ASRGL1: variants seen among roughly 807,000 people sequenced by gnomAD.
ASRGL1 encodes the protein isoaspartyl peptidase/L-asparaginase.
Under a neutral mutation model 22.4 loss-of-function variants are expected in ASRGL1, and 16 were observed. The ratio of observed to expected loss-of-function variants is 0.71; its 90% CI spans 0.48 to 1.08. The LOEUF is 1.08. Among genes scored for constraint, ASRGL1 ranks in the 50% least tolerant of loss-of-function variants. The pLI is 0.00. For synonymous variants in ASRGL1, 165 were observed against 159.3 expected (o/e 1.04, Z -0.27); for missense variants, 412 against 410.1 (o/e 1.00, Z -0.04).
chr11:62,390,624 A>T (rs1024546985), intron 5 of ASRGL1, among the ~76,000 whole-genome samples: 10 of 152,186 alleles, frequency 6.6e-5, no homozygotes, highest in Admixed American at 6.5e-4. Flanking sequence ...GCAGAAGCTT[A>T]TAAGAAAAAG....
chr11:62,362,588 T>C (rs1325440597), intron 4 of ASRGL1, among the ~76,000 whole-genome samples: 15 of 71,474 alleles, frequency 2.1e-4, no homozygotes, highest in African/African-American at 8.4e-4. Context: ...ATATAAAATA[T>C]ATAATATATA....
At chr11:62,382,500 CTGT>C (rs1462171840) in intron 4 of ASRGL1, 1 of 151,990 alleles carries the variant, frequency 6.6e-6, no homozygotes, top group African/African-American at 2.4e-5. Flanking sequence ...AGCCCTAAGG[CTGT>C]TTTCTCCTAT....
At chr11:62,342,264 C>T (rs1945883545) in intron 2 of ASRGL1, among the ~76,000 whole-genome samples, 2 of 152,210 alleles carry the variant, frequency 1.3e-5, no homozygotes, top group East Asian at 1.9e-4. Flanking sequence ...GGAAGAGGAA[C>T]AGGCTGTGAC....
chr11:62,351,408 G>C (rs1305209242), intron 2 of ASRGL1, among the ~76,000 whole-genome samples: 1 of 152,110 alleles, frequency 6.6e-6, no homozygotes, highest in Non-Finnish European at 1.5e-5. Context: ...CCAGCACTTT[G>C]GGAGGCCGAG....
rs893816389 is a variant in ASRGL1 at position 62,337,712 on chromosome 11, C to G, written c.-89+138C>G. The G allele has an allele frequency of 2.4e-5, 9 of 371,538 alleles. No homozygotes were observed. In the East Asian group the frequency reaches 2.8e-4, roughly 12 times the overall value. 23.0% of individuals were successfully genotyped at this position (371,538 alleles called of 1,614,324 possible). On this transcript the variant is annotated intron_variant, in intron 1 of 6. Coordinates refer to ENST00000415229, the MANE Select transcript of ASRGL1 (RefSeq NM_001083926.2). ...GCTTGGAGGCGGGCGGCGGTGGGCG[C>G]GGGTTAACGTCCCCGGGGAAACTGA...
chr11:62,351,314 T>A (rs145347066), intron 2 of ASRGL1, among the ~76,000 whole-genome samples: 1,700 of 152,264 alleles, frequency 0.011, 14 homozygotes, highest in Non-Finnish European at 0.019. Context: ...ATTTACCAAT[T>A]TTTTCTCCTT....
At chr11:62,361,217 G>T (rs1811243736) in intron 4 of ASRGL1, among the ~76,000 whole-genome samples, 1 of 151,802 alleles carries the variant, frequency 6.6e-6, no homozygotes, top group South Asian at 2.1e-4. Flanking sequence ...TTTGAGACAA[G>T]GTCTTACTTT....
intron 4 of ASRGL1, among the ~76,000 whole-genome samples, chr11:62,362,068 T>G (rs1027834666): frequency 6.6e-6 from 1 of 152,174 alleles, no homozygotes; most frequent in African/African-American, 2.4e-5. Flanking sequence ...GAAGCTTGGC[T>G]AAGAATCCAG....
At chr11:62,370,938 G>A (rs544803595) in intron 4 of ASRGL1, among the ~76,000 whole-genome samples, 16 of 152,216 alleles carry the variant, frequency 1.1e-4, no homozygotes, top group Middle Eastern at 3.4e-3. Flanking sequence ...GTCTACTGGT[G>A]GTACTGACAG....
At chr11:62,389,475 C>A (rs1947291149) in intron 5 of ASRGL1, 5 of 602,578 alleles carry the variant, frequency 8.3e-6, no homozygotes, top group South Asian at 6.6e-5. Context: ...AGATTGCATG[C>A]CTTTTTGGAA....
intron 4 of ASRGL1, chr11:62,372,449 G>C: frequency 6.5e-7 from 1 of 1,539,784 alleles, no homozygotes; most frequent in South Asian, 1.1e-5. Flanking sequence ...TCCTTTGGGT[G>C]CCCTGAATAT....
At chr11:62,378,642 G>A (rs961847818) in intron 4 of ASRGL1, among the ~76,000 whole-genome samples, 1 of 152,158 alleles carries the variant, frequency 6.6e-6, no homozygotes, top group Admixed American at 6.5e-5. Flanking sequence ...GTTGAATTAC[G>A]GCATTTACGG....
chr11:62,338,951 T>C (rs1324290026), intron 2 of ASRGL1, among the ~76,000 whole-genome samples: 12 of 39,354 alleles, frequency 3.0e-4, no homozygotes, highest in South Asian at 1.9e-3. Flanking sequence ...AAAAAAAAAC[T>C]GAAAAAAGAA....
At chr11:62,357,521 C>T (rs1028109616) in intron 4 of ASRGL1, among the ~76,000 whole-genome samples, 1 of 150,762 alleles carries the variant, frequency 6.6e-6, no homozygotes, top group Non-Finnish European at 1.5e-5. Context: ...CTCGGCCTCC[C>T]AAAGTGCAGG....
chr11:62,384,989 A>G (rs1166323625), intron 4 of ASRGL1, among the ~76,000 whole-genome samples: 1 of 146,646 alleles, frequency 6.8e-6, no homozygotes, highest in African/African-American at 2.5e-5. Flanking sequence ...TTCAAGATAC[A>G]TTTACCACAG....
In ASRGL1 at chr11:62,337,904, C is replaced by T. The variant is rs778620831; in HGVS notation, c.-74C>T. ...TGTCCCCACAGGGTCTCCCGAGGACCTTGTACCCGCGCGGCTTCCTTGGGC... is the reference window on the plus strand; with the variant it reads ...TGTCCCCACAGGGTCTCCCGAGGACTTTGTACCCGCGCGGCTTCCTTGGGC... On this transcript the variant is annotated 5_prime_UTR_variant, in exon 2 of 7. Transcript: ENST00000415229. 3.3e-6 allele frequency: 5 copies of T among 1,498,926 alleles called. No individual in the cohort carries two copies. Among genetic ancestry groups the T allele is most frequent in the Non-Finnish European group, 4.5e-6 (5 of 1,113,480 alleles). 92.9% of individuals were successfully genotyped at this position (1,498,926 alleles called of 1,614,324 possible). A position where few individuals can be genotyped will look rare whatever the true frequency, so the allele number is the denominator to read the frequency against.
At chr11:62,358,496 A>C (rs1237213367) in intron 4 of ASRGL1, among the ~76,000 whole-genome samples, 1 of 151,876 alleles carries the variant, frequency 6.6e-6, no homozygotes, top group African/African-American at 2.4e-5. Context: ...ATTTACGTTC[A>C]TTTTGAAAGA....
At chr11:62,367,712 G>C (rs1301029590) in intron 4 of ASRGL1, among the ~76,000 whole-genome samples, 1 of 152,102 alleles carries the variant, frequency 6.6e-6, no homozygotes, top group Non-Finnish European at 1.5e-5. Flanking sequence ...GGGAGGCCGA[G>C]GTGGGTGGAT....
intron 4 of ASRGL1, among the ~76,000 whole-genome samples, chr11:62,365,025 C>T (rs925694867): frequency 1.3e-4 from 20 of 149,334 alleles, no homozygotes; most frequent in Admixed American, 9.4e-4. Flanking sequence ...GCCGAGACCA[C>T]GCTGTTGCAC....
Sources: allele counts gnomAD v4.1 joint callset (sites outside exome capture counted in the v4.1 genomes callset), GRCh38; gene constraint gnomAD v4.1.1; transcripts MANE v1.5; gene names NCBI Gene and HGNC (gene_info 2026-07-23, HGNC 2026-07-21).